The following CD96 variants were observed in gnomAD, a reference collection of about 807,000 sequenced individuals.
The protein encoded by CD96 is CD96 molecule, also known as T-cell surface protein tactile.
In CD96, 70 loss-of-function variants were observed where a neutral mutation model predicts 71.3. The observed-to-expected ratio is 0.98, with a 90% CI of 0.81 to 1.20. CD96 has a LOEUF of 1.20. Ranked by LOEUF, CD96 falls within the 50% of genes most tolerant of loss-of-function variation. CD96 has a pLI of 0.00. For synonymous variants in CD96, 248 were observed against 233.0 expected (o/e 1.06, Z -0.59); for missense variants, 742 against 677.5 (o/e 1.10, Z -1.06).
intron 8 of CD96, among the ~76,000 whole-genome samples, chr3:111,623,509 A>G (rs1445813974): frequency 1.3e-5 from 2 of 152,210 alleles, no homozygotes; most frequent in African/African-American, 4.8e-5. Flanking sequence ...ATATATTTTG[A>G]AAGTATGAAT....
At position 111,628,005 on chromosome 3, in the gene CD96, C is replaced by T. The variant is rs762986156; in HGVS notation, c.1321+3601C>T. Among the ~76,000 whole-genome samples, 11 of 151,938 alleles carry T rather than the reference C, an allele frequency of 7.2e-5. No homozygotes were observed. The Middle Eastern group carries it at 0.01, about 141-fold the overall frequency. On this transcript the variant is annotated intron_variant, in intron 10 of 13. Transcript: ENST00000352690. ...AAAACCATCCAAAGGTCAGCAAACT[C>T]AAAGATCAAAGGCAGATAAGCCCAC...
chr3:111,564,635 TTGTCG>T (rs1935618366), intron 2 of CD96, among the ~76,000 whole-genome samples: 2 of 152,190 alleles, frequency 1.3e-5, no homozygotes, highest in Admixed American at 1.3e-4. Context: ...ATTTACTTTG[TTGTCG>T]TGTCTTGATA....
intron 1 of CD96, among the ~76,000 whole-genome samples, chr3:111,542,641 AAAC>A (rs1321475638): frequency 6.6e-6 from 1 of 152,242 alleles, no homozygotes; most frequent in African/African-American, 2.4e-5. Context: ...ATGGTAGCCA[AAAC>A]AACTGCGGAA....
intron 2 of CD96, among the ~76,000 whole-genome samples, chr3:111,562,724 G>A (rs1313786917): frequency 2.0e-5 from 3 of 152,218 alleles, no homozygotes; most frequent in Non-Finnish European, 4.4e-5. Context: ...GTTGCAGCCA[G>A]TTGTCCAGAC....
intron 2 of CD96, among the ~76,000 whole-genome samples, chr3:111,562,450 A>G (rs1220620311): frequency 1.3e-5 from 2 of 152,132 alleles, no homozygotes; most frequent in Non-Finnish European, 2.9e-5. Flanking sequence ...TGTCTTATTT[A>G]GGTTCATTTT....
chr3:111,629,307 G>A (rs1415244051), intron 10 of CD96, among the ~76,000 whole-genome samples: 1 of 152,122 alleles, frequency 6.6e-6, no homozygotes, highest in Non-Finnish European at 1.5e-5. Flanking sequence ...CAAAATAAAG[G>A]GATGGAGGGA....
chr3:111,600,115 A>G (rs1937427157), intron 6 of CD96, among the ~76,000 whole-genome samples: 1 of 152,224 alleles, frequency 6.6e-6, no homozygotes, highest in South Asian at 2.1e-4. Flanking sequence ...TAGCAAAAAG[A>G]TTACAATATG....
chr3:111,620,027 G>A (rs1938443056), intron 8 of CD96, among the ~76,000 whole-genome samples: 2 of 152,204 alleles, frequency 1.3e-5, no homozygotes, highest in Non-Finnish European at 2.9e-5. Context: ...GGAATGGACA[G>A]GTGCCAGACA....
chr3:111,571,103 C>T, intron 3 of CD96: 2 of 764,312 alleles, frequency 2.6e-6, no homozygotes, highest in South Asian at 1.5e-5. Flanking sequence ...CCGGGCATCC[C>T]TCTGAATCCA....
chr3:111,654,164 T>C (rs1370400635), downstream of CD96, among the ~76,000 whole-genome samples: 1 of 152,164 alleles, frequency 6.6e-6, no homozygotes, highest in East Asian at 1.9e-4. Flanking sequence ...ATGCATAGCC[T>C]AACCGACTGT....
At chr3:111,642,783 G>C (rs1279730095) in intron 12 of CD96, among the ~76,000 whole-genome samples, 2 of 151,516 alleles carry the variant, frequency 1.3e-5, no homozygotes, top group Non-Finnish European at 2.9e-5. Context: ...CTCCAGCCTG[G>C]GTGACAAACT....
Position 111,598,114 on chromosome 3 carries a change from C to T in CD96, c.808-6C>T, listed in dbSNP as rs767986800. The T allele has an allele frequency of 2.4e-6, 3 of 1,252,872 alleles. No individual in the cohort carries two copies. The highest frequency in any genetic ancestry group is 1.2e-5 in the South Asian group (1 of 83,742). The allele number at this position is 1,252,872 out of a possible 1,614,324, so 77.6% of individuals were successfully genotyped here. A position where few individuals can be genotyped will look rare whatever the true frequency, so the allele number is the denominator to read the frequency against. On this transcript the variant is annotated splice_region_variant and splice_polypyrimidine_tract_variant and intron_variant, in intron 5 of 13. Transcript: ENST00000352690. ...GCAAATAATCCTTTTTCTGTCTTTA[C>T]CCCAGAGAAGATTTACCTGCTTACT...
chr3:111,652,889 T>C (rs962328100), downstream of CD96, among the ~76,000 whole-genome samples: 3 of 151,972 alleles, frequency 2.0e-5, no homozygotes, highest in Non-Finnish European at 4.4e-5. Context: ...TGAATTTAGC[T>C]CTGTCTCATA....
At chr3:111,546,434 G>T (rs1393140183) in intron 2 of CD96, among the ~76,000 whole-genome samples, 1 of 152,134 alleles carries the variant, frequency 6.6e-6, no homozygotes, top group East Asian at 1.9e-4. Context: ...ATTTAGAAGT[G>T]GGAATCCTAG....
At chr3:111,572,442 A>G (rs1936024101) in intron 3 of CD96, among the ~76,000 whole-genome samples, 2 of 152,246 alleles carry the variant, frequency 1.3e-5, no homozygotes, top group African/African-American at 4.8e-5. Flanking sequence ...AACTCTTAGT[A>G]TCATAATTGT....
At chr3:111,603,026 TCAGA>T (rs1261449146) in intron 7 of CD96, among the ~76,000 whole-genome samples, 1 of 152,064 alleles carries the variant, frequency 6.6e-6, no homozygotes, top group Non-Finnish European at 1.5e-5. Context: ...TCTAGAAAAC[TCAGA>T]CAGGGCATGG....
intron 14 of CD96, among the ~76,000 whole-genome samples, chr3:111,665,096 CAG>C (rs956976760): frequency 1.3e-5 from 2 of 151,690 alleles, no homozygotes; most frequent in Non-Finnish European, 2.9e-5. Context: ...TATATGCATA[CAG>C]AGAGAGATGG....
intron 3 of CD96, chr3:111,571,069 G>A: frequency 1.0e-6 from 1 of 962,614 alleles, no homozygotes; most frequent in Non-Finnish European, 1.7e-6. Flanking sequence ...TGGGGTAGGA[G>A]GTAGGTCAAG....
At chr3:111,569,063 A>T (rs926510226) in intron 3 of CD96, among the ~76,000 whole-genome samples, 2 of 152,210 alleles carry the variant, frequency 1.3e-5, no homozygotes, top group Non-Finnish European at 2.9e-5. Context: ...CAGCTGGCAC[A>T]ATTTGGAAAA....
Sources: gnomAD v4.1 joint callset for allele counts (sites outside exome capture counted in the v4.1 genomes callset) on GRCh38, gnomAD v4.1.1 for gene constraint, MANE v1.5 for transcripts, NCBI Gene and HGNC (gene_info 2026-07-23, HGNC 2026-07-21) for gene names.